Variants in CCDC85C observed in about 807,000 individuals in gnomAD.
CCDC85C encodes coiled-coil domain-containing protein 85C.
Under a neutral mutation model 38.3 loss-of-function variants are expected in CCDC85C, and 18 were observed. The observed-to-expected ratio is 0.47, with a 90% CI of 0.33 to 0.70. The LOEUF (loss-of-function observed/expected upper bound fraction) is 0.70. Ranked by LOEUF, CCDC85C falls within the 30% of genes least tolerant of loss-of-function variation. The probability of loss-of-function intolerance (pLI) is 0.03; values close to 1 mark genes in which losing one functional copy is unlikely to be tolerated. For missense variants in CCDC85C, 566 were observed against 621.2 expected (o/e 0.91, Z 0.94); for synonymous variants, 264 against 293.8 (o/e 0.90, Z 1.04).
intron 1 of CCDC85C, among the ~76,000 whole-genome samples, chr14:99,599,527 G>A (rs1405279249): frequency 6.6e-6 from 1 of 152,168 alleles, no homozygotes; most frequent in African/African-American, 2.4e-5. Flanking sequence ...CTGTCTCAGT[G>A]TGCCACACTG....
intron 1 of CCDC85C, among the ~76,000 whole-genome samples, chr14:99,601,697 C>T (rs2139998045): frequency 6.6e-6 from 1 of 152,296 alleles, no homozygotes; most frequent in Middle Eastern, 3.4e-3. Flanking sequence ...AACCACCTAA[C>T]TTTGCGCTAC....
rs1176013627 is a variant in CCDC85C, at chr14:99,548,046, A to G, written c.794-11958T>C. Among the ~76,000 whole-genome samples, 1 of 152,166 alleles carries G rather than the reference A, an allele frequency of 6.6e-6. No homozygotes were observed. Among genetic ancestry groups the G allele is most frequent in the Non-Finnish European group, 1.5e-5 (1 of 68,038 alleles). On this transcript the variant is annotated intron_variant, in intron 1 of 5. Transcript: ENST00000380243. This position sits in a 1 kb window ranked among gnomAD's most constrained non-coding sequence, Gnocchi z 4.9. Reference sequence around the variant, plus strand: ...GAAAAGGATTTCTTAATCAAGGAACAAAAAGAACAAACCATGAAGGGAACG... The same window carrying G: ...GAAAAGGATTTCTTAATCAAGGAACGAAAAGAACAAACCATGAAGGGAACG...
chr14:99,521,604 G>A (rs1225330351), intron 3 of CCDC85C, among the ~76,000 whole-genome samples: 1 of 152,218 alleles, frequency 6.6e-6, no homozygotes, highest in Non-Finnish European at 1.5e-5. Flanking sequence ...GTCCTAGGAG[G>A]GCAAGTGGGC....
In CCDC85C at chr14:99,597,949, G is replaced by A. The variant is rs148470630; in HGVS notation, c.793+5218C>T. On this transcript the variant is annotated intron_variant, in intron 1 of 5. Coordinates refer to ENST00000380243, the MANE Select transcript of CCDC85C (RefSeq NM_001144995.2). ...TAGGATCGAGACATTATTAGCCTCAGGATATAGATGAAGAAACTGAGGCTT... is the reference window on the plus strand; with the variant it reads ...TAGGATCGAGACATTATTAGCCTCAAGATATAGATGAAGAAACTGAGGCTT... Among the ~76,000 whole-genome samples, 729 of 152,332 alleles carry A rather than the reference G, an allele frequency of 4.8e-3. 4 individuals carry two copies. The highest frequency in any genetic ancestry group is 5.4e-3 in the Non-Finnish European group (370 of 68,028).
chr14:99,595,905 G>A (rs182326880), intron 1 of CCDC85C, among the ~76,000 whole-genome samples: 24 of 152,342 alleles, frequency 1.6e-4, no homozygotes, highest in African/African-American at 5.8e-4. Flanking sequence ...CACAGTGCCA[G>A]GCACACGTTT....
chr14:99,521,942 C>T (rs1897308491), intron 3 of CCDC85C, among the ~76,000 whole-genome samples, 191 bp downstream of exon 3: 2 of 152,258 alleles, frequency 1.3e-5, no homozygotes, highest in Admixed American at 1.3e-4. Context: ...CTGCCCCGCA[C>T]CTCCAGCAGT....
intron 3 of CCDC85C, among the ~76,000 whole-genome samples, chr14:99,517,585 A>G: frequency 6.6e-6 from 1 of 152,020 alleles, no homozygotes; most frequent in Non-Finnish European, 1.5e-5. Flanking sequence ...CTGGCACCTG[A>G]CTCCAAACTC....
At position 99,604,043 on chromosome 14, in the gene CCDC85C, C is replaced by A. The variant is rs1595115434; in HGVS notation, c.-84G>T. On this transcript the variant is annotated 5_prime_UTR_variant, in exon 1 of 6. Coordinates refer to ENST00000380243, the MANE Select transcript of CCDC85C (RefSeq NM_001144995.2). ...CGGGGCTCCGCTGGGCCGGTCCGCG[C>A]GCGGGCGGGGGGCGGCCGGGGGCGC... The A allele has an allele frequency of 1.0e-6, 1 of 984,012 alleles. No individual in the cohort carries two copies. Among genetic ancestry groups the A allele is most frequent in the Middle Eastern group, 5.2e-4 (1 of 1,928 alleles). The allele number at this position is 984,012 out of a possible 1,614,324, so 61.0% of individuals were successfully genotyped here.
At chr14:99,574,601 G>C (rs753489009) in intron 1 of CCDC85C, among the ~76,000 whole-genome samples, 8 of 152,294 alleles carry the variant, frequency 5.3e-5, no homozygotes, top group Middle Eastern at 3.4e-3. Flanking sequence ...GGTGGCCTGC[G>C]AGGAATTTAG....
At chr14:99,581,460 C>A (rs1199860898) in intron 1 of CCDC85C, among the ~76,000 whole-genome samples, 3 of 152,232 alleles carry the variant, frequency 2.0e-5, no homozygotes, top group Non-Finnish European at 4.4e-5. Context: ...TGGGGTCTGG[C>A]CTCGCTCCCC....
chr14:99,537,588 C>T (rs781184491), intron 1 of CCDC85C, among the ~76,000 whole-genome samples: 2 of 152,046 alleles, frequency 1.3e-5, no homozygotes, highest in Non-Finnish European at 2.9e-5. Flanking sequence ...CGCAAACCAG[C>T]CTCCCCTCCT....
chr14:99,518,532 C>A lies in CCDC85C; in HGVS notation c.976-1349G>T, dbSNP rs143480111. Among the ~76,000 whole-genome samples, 136 of 151,622 alleles carry A rather than the reference C, an allele frequency of 9.0e-4. 2 individuals carry two copies. The East Asian group carries it at 0.023, about 25-fold the overall frequency. On this transcript the variant is annotated intron_variant, in intron 3 of 5. Transcript: ENST00000380243. ...GTTGGGTCTCTGTAGTGTAGGGAACCCAACAGGGACGCTGGGGATTCCCCC... is the reference window on the plus strand; with the variant it reads ...GTTGGGTCTCTGTAGTGTAGGGAACACAACAGGGACGCTGGGGATTCCCCC...
chr14:99,580,153 C>T, intron 1 of CCDC85C: 2 of 454,668 alleles, frequency 4.4e-6, no homozygotes, highest in South Asian at 3.1e-5. Flanking sequence ...GCAGGCCTGG[C>T]CCCCGGCACA....
chr14:99,587,768 C>T (rs2055042932), intron 1 of CCDC85C, among the ~76,000 whole-genome samples: 1 of 152,198 alleles, frequency 6.6e-6, no homozygotes, highest in Admixed American at 6.5e-5. Flanking sequence ...ACCCCTGTGC[C>T]CCCTTACTGC....
intron 1 of CCDC85C, among the ~76,000 whole-genome samples, chr14:99,537,245 C>G (rs975614627): frequency 5.3e-5 from 8 of 152,164 alleles, no homozygotes; most frequent in Admixed American, 2.0e-4. Context: ...CGCTCACCCT[C>G]GATTGCAGAA....
chr14:99,572,655 G>T lies in CCDC85C; in HGVS notation c.793+30512C>A. 1 of 455,794 alleles carries T rather than the reference G, an allele frequency of 2.2e-6. No individual in the cohort carries two copies. Among genetic ancestry groups the T allele is most frequent in the Non-Finnish European group, 4.4e-6 (1 of 226,674 alleles). 28.2% of individuals were successfully genotyped at this position (455,794 alleles called of 1,614,324 possible). A position where few individuals can be genotyped will look rare whatever the true frequency, so the allele number is the denominator to read the frequency against. On this transcript the variant is annotated intron_variant, in intron 1 of 5. Coordinates refer to ENST00000380243, the MANE Select transcript of CCDC85C (RefSeq NM_001144995.2). This position sits in a 1 kb window ranked among gnomAD's most constrained non-coding sequence, Gnocchi z 4.4. The stretch of plus-strand genomic sequence containing the variant: ...GCTGCTTATCATCCAAGCCCCAGGT[G>T]ACCTGGCCCCTCCTTAAGAGGCCTC...
chr14:99,567,373 T>G (rs1898236730), intron 1 of CCDC85C, among the ~76,000 whole-genome samples: 1 of 152,058 alleles, frequency 6.6e-6, no homozygotes. Context: ...TTCGGGTGGA[T>G]GAGTTGGGGG....
chr14:99,592,169 T>A (rs543873554), intron 1 of CCDC85C, among the ~76,000 whole-genome samples: 1 of 152,224 alleles, frequency 6.6e-6, no homozygotes. Flanking sequence ...TACTAGCCCA[T>A]GCGAAGGCAG....
intron 1 of CCDC85C, among the ~76,000 whole-genome samples, chr14:99,567,411 G>T (rs982864024): frequency 6.6e-6 from 1 of 152,186 alleles, no homozygotes; most frequent in Admixed American, 6.5e-5. Context: ...GCATGGTGGT[G>T]CCGAGACCCC....
Sources: allele counts gnomAD v4.1 joint callset (sites outside exome capture counted in the v4.1 genomes callset), GRCh38; gene constraint gnomAD v4.1.1; non-coding constraint Gnocchi (gnomAD v3.1); transcripts MANE v1.5; gene names NCBI Gene and HGNC (gene_info 2026-07-23, HGNC 2026-07-21).